Variants in PACS1 observed in about 807,000 individuals in gnomAD.
PACS1 encodes the protein phosphofurin acidic cluster sorting protein 1.
Under a neutral mutation model 115.0 loss-of-function variants are expected in PACS1, and 24 were observed. That is an observed-to-expected ratio of 0.21 (90% CI 0.15 to 0.29). PACS1 has a LOEUF of 0.29. PACS1 is among the 10% of genes least tolerant of loss of function. The probability of loss-of-function intolerance (pLI) is 1.00; values close to 1 mark genes in which losing one functional copy is unlikely to be tolerated. For synonymous variants in PACS1, 453 were observed against 504.5 expected (o/e 0.90, Z 1.37); for missense variants, 838 against 1,251.2 (o/e 0.67, Z 4.98).
chr11:66,072,253 T>C (rs1857321104), intron 1 of PACS1, among the ~76,000 whole-genome samples: 1 of 152,208 alleles, frequency 6.6e-6, no homozygotes, highest in African/African-American at 2.4e-5. Flanking sequence ...AATATTTTCA[T>C]GATGGGTAGT....
chr11:66,070,982 C>G lies in PACS1; in HGVS notation c.356+140C>G. ...CGGCCCGGCCTGGCTCCAGCCAGGCCTCCCGGGACTCCTGCCACGGGGACC... is the reference window on the plus strand; with the variant it reads ...CGGCCCGGCCTGGCTCCAGCCAGGCGTCCCGGGACTCCTGCCACGGGGACC... On this transcript the variant is annotated intron_variant, in intron 1 of 23. Coordinates refer to ENST00000320580, the MANE Select transcript of PACS1 (RefSeq NM_018026.4). This position sits in a 1 kb window ranked among gnomAD's most constrained non-coding sequence, Gnocchi z 5.9. 2.3e-6 allele frequency: 2 copies of G among 860,786 alleles called. No individual in the cohort carries two copies. Among genetic ancestry groups the G allele is most frequent in the Non-Finnish European group, 3.2e-6 (2 of 623,464 alleles). 53.3% of individuals were successfully genotyped at this position (860,786 alleles called of 1,614,324 possible).
At chr11:66,078,256 G>T (rs1406822184) in intron 1 of PACS1, among the ~76,000 whole-genome samples, 5 of 152,130 alleles carry the variant, frequency 3.3e-5, no homozygotes, top group Non-Finnish European at 7.4e-5. Flanking sequence ...CTTAGAAATT[G>T]TGATGTGGGT....
chr11:66,224,091 C>T (rs76959689), intron 10 of PACS1, among the ~76,000 whole-genome samples: 36,409 of 149,244 alleles, frequency 0.24, 4,902 homozygotes, highest in South Asian at 0.48. Flanking sequence ...CAGCTACTCG[C>T]GTGGCTGAGG....
At chr11:66,171,763 T>C (rs1362182143) in intron 1 of PACS1, among the ~76,000 whole-genome samples, 1 of 149,844 alleles carries the variant, frequency 6.7e-6, no homozygotes, top group East Asian at 1.9e-4. Flanking sequence ...GTATTTTTAG[T>C]AGAGACGGGG....
At chr11:66,071,459 C>T (rs1857309718) in intron 1 of PACS1, among the ~76,000 whole-genome samples, 1 of 152,216 alleles carries the variant, frequency 6.6e-6, no homozygotes, top group South Asian at 2.1e-4. Flanking sequence ...AATCTCCCAG[C>T]TCTGCAGGGC....
intron 13 of PACS1, 148 bp from the exon 14 acceptor site, chr11:66,232,024 T>C (rs1473457490): frequency 4.9e-6 from 3 of 607,026 alleles, no homozygotes; most frequent in East Asian, 2.8e-5. Context: ...GTCTGGCCAG[T>C]GGGAGACTGA....
At chr11:66,191,759 C>G (rs1331020220) in intron 1 of PACS1, among the ~76,000 whole-genome samples, 1 of 152,202 alleles carries the variant, frequency 6.6e-6, no homozygotes, top group Non-Finnish European at 1.5e-5. Flanking sequence ...CGTGGTGGCT[C>G]ACGCCTGTAA....
At position 66,235,773 on chromosome 11, in the gene PACS1, A is replaced by G; in HGVS notation, c.2208-125A>G. ...CTTCCCCATGCCACCCCAGGATGTG[A>G]TGGGCAGAGGCAGCCCAGCATCCTG... On this transcript the variant is annotated intron_variant, in intron 18 of 23. Coordinates refer to ENST00000320580, the MANE Select transcript of PACS1 (RefSeq NM_018026.4). The surrounding 1 kb of genome is among the most constrained non-coding windows in gnomAD (Gnocchi z 5.6). 1.2e-6 allele frequency: 1 copy of G among 841,398 alleles called. No homozygotes were observed. 52.1% of individuals were successfully genotyped at this position (841,398 alleles called of 1,614,324 possible).
At chr11:66,158,714 A>G (rs4013917) in intron 1 of PACS1, among the ~76,000 whole-genome samples, 31,199 of 152,084 alleles carry the variant, frequency 0.21, 3,282 homozygotes, top group Middle Eastern at 0.28. Context: ...TTGGTCAAAG[A>G]TAATAGACAA....
chr11:66,171,512 G>A (rs1421968019), intron 1 of PACS1, among the ~76,000 whole-genome samples: 1 of 149,770 alleles, frequency 6.7e-6, no homozygotes, highest in Non-Finnish European at 1.5e-5. Flanking sequence ...ATTTCTGGAT[G>A]ACTCTTTAGC....
In PACS1 at chr11:66,159,173, C is replaced by T. The variant is rs916925320; in HGVS notation, c.357-34313C>T. On this transcript the variant is annotated intron_variant, in intron 1 of 23. Coordinates refer to ENST00000320580, the MANE Select transcript of PACS1 (RefSeq NM_018026.4). ...AGGGTCTCGGCCGGGCGTGGTGGCT[C>T]ACGCCTATAATCCCAGCACTTTGGG... Among the ~76,000 whole-genome samples the T allele has an allele frequency of 2.6e-5, 4 of 152,180 alleles. 1 individual carries two copies. The South Asian group carries it at 8.3e-4, about 32-fold the overall frequency.
chr11:66,137,024 C>G (rs977766952), intron 1 of PACS1, among the ~76,000 whole-genome samples: 3 of 86,142 alleles, frequency 3.5e-5, no homozygotes, highest in African/African-American at 9.2e-5. Flanking sequence ...CACAAATTGC[C>G]CCCCCCCCCA....
At chr11:66,081,464 T>A (rs1857478213) in intron 1 of PACS1, among the ~76,000 whole-genome samples, 1 of 152,020 alleles carries the variant, frequency 6.6e-6, no homozygotes, top group Admixed American at 6.6e-5. Flanking sequence ...AAAACAAACA[T>A]GCTTTCTTTC....
intron 1 of PACS1, among the ~76,000 whole-genome samples, chr11:66,082,092 G>T (rs576050168): frequency 5.3e-5 from 8 of 152,296 alleles, no homozygotes; most frequent in African/African-American, 1.9e-4. Flanking sequence ...CTTTAAGAAT[G>T]TATAAAACAC....
At chr11:66,129,380 T>G (rs1216372122) in intron 1 of PACS1, among the ~76,000 whole-genome samples, 5 of 150,112 alleles carry the variant, frequency 3.3e-5, no homozygotes, top group Non-Finnish European at 7.4e-5. Flanking sequence ...GGCAGTGAGC[T>G]GAGATCGCAC....
At chr11:66,128,105 A>G (rs780501209) in intron 1 of PACS1, among the ~76,000 whole-genome samples, 1 of 152,232 alleles carries the variant, frequency 6.6e-6, no homozygotes, top group Non-Finnish European at 1.5e-5. Context: ...CTCTATAGAT[A>G]AAAAGAGATT....
In PACS1 at chr11:66,216,941, C is replaced by T. The variant is rs1855227490; in HGVS notation, c.978+166C>T. The stretch of plus-strand genomic sequence containing the variant: ...ATCCTCACCACCGCCCAATTAGACT[C>T]ACTGTTGTTGGGAACCACAATTACT... On this transcript the variant is annotated intron_variant, in intron 7 of 23. Transcript: ENST00000320580. 9 of 611,164 alleles carry T rather than the reference C, an allele frequency of 1.5e-5. 1 individual carries two copies. The highest frequency in any genetic ancestry group is 2.7e-5 in the Non-Finnish European group (9 of 338,294). 37.9% of individuals were successfully genotyped at this position (611,164 alleles called of 1,614,324 possible).
rs1270980890 is a variant in PACS1 at position 66,210,375 on chromosome 11, T to C, written c.458T>C (p.Ile153Thr). ...IAVKLQGSKRILRSNEIVLPA... is the reference protein window; with the variant it reads ...IAVKLQGSKRTLRSNEIVLPA... ...TCTTGGTTTCAGGGTTCAAAAAGAATTCTTCGCTCCAACGAGATCGTCCTT... is the reference window on the plus strand; with the variant it reads ...TCTTGGTTTCAGGGTTCAAAAAGAACTCTTCGCTCCAACGAGATCGTCCTT... Residue 153 changes from isoleucine (I) to threonine (T), a missense_variant, in exon 3 of 24, where the codon ATT becomes ACT. Ile to Thr is a moderately conservative substitution (Grantham distance 89). This residue lies in a region of PACS1 where 223 missense variants were observed against 354.0 expected (regional missense o/e 0.63). Transcript: ENST00000320580. The C allele has an allele frequency of 6.2e-7, 1 of 1,613,834 alleles. No homozygotes were observed. The highest frequency in any genetic ancestry group is 1.3e-5 in the African/African-American group (1 of 74,926).
At chr11:66,126,612 C>T (rs1406768217) in intron 1 of PACS1, among the ~76,000 whole-genome samples, 1 of 149,432 alleles carries the variant, frequency 6.7e-6, no homozygotes, top group African/African-American at 2.5e-5. Context: ...ATCTTTGACC[C>T]AGCAACTTTA....
Sources: gnomAD v4.1 joint callset for allele counts (sites outside exome capture counted in the v4.1 genomes callset) on GRCh38, gnomAD v4.1.1 for gene constraint, gnomAD v4.1.1 regional missense constraint, Gnocchi (gnomAD v3.1) non-coding constraint, MANE v1.5 for transcripts, NCBI Gene and HGNC (gene_info 2026-07-23, HGNC 2026-07-21) for gene names.